The following ATXN1 variants were observed in gnomAD, a reference collection of about 807,000 sequenced individuals.
ATXN1 encodes ataxin-1.
Under a neutral mutation model 56.4 loss-of-function variants are expected in ATXN1, and 8 were observed. That is an observed-to-expected ratio of 0.14 (90% confidence interval 0.08 to 0.26). The LOEUF (loss-of-function observed/expected upper bound fraction) is 0.26, where lower values mean the gene tolerates loss of function less well. Among genes scored for constraint, ATXN1 ranks in the 10% least tolerant of loss-of-function variants. The pLI, the probability that ATXN1 is intolerant of heterozygous loss-of-function variation, is 1.00. For synonymous variants in ATXN1, 514 were observed against 494.6 expected, an observed-to-expected ratio of 1.04 and a Z score of -0.52; for missense variants, 987 against 1,106.5, an observed-to-expected ratio of 0.89 and a Z score of 1.53.
intron 6 of ATXN1, among the ~76,000 whole-genome samples, chr6:16,459,848 A>G (rs1168407924): frequency 3.9e-5 from 6 of 152,178 alleles, no homozygotes; most frequent in Non-Finnish European, 1.5e-5. Flanking sequence ...CGGAAGCTTC[A>G]TGCCAGCAGG....
At chr6:16,507,407 G>A (rs1760999645) in intron 5 of ATXN1, among the ~76,000 whole-genome samples, 1 of 152,194 alleles carries the variant, frequency 6.6e-6, no homozygotes, top group Admixed American at 6.5e-5. Context: ...AGGAAAGACT[G>A]ACCTTTGAAT....
chr6:16,538,751 T>C (rs1021843803), intron 4 of ATXN1, among the ~76,000 whole-genome samples: 2 of 152,194 alleles, frequency 1.3e-5, no homozygotes, highest in Non-Finnish European at 1.5e-5. Context: ...AATGGCACTA[T>C]CTCGGCTCAC....
At chr6:16,542,052 A>G (rs1437662963) in intron 4 of ATXN1, among the ~76,000 whole-genome samples, 3 of 151,922 alleles carry the variant, frequency 2.0e-5, no homozygotes, top group African/African-American at 7.3e-5. Flanking sequence ...TCTGGGGGAA[A>G]ACGCCACCAC....
chr6:16,669,171 G>C (rs894816286), intron 2 of ATXN1, among the ~76,000 whole-genome samples: 1 of 152,178 alleles, frequency 6.6e-6, no homozygotes, highest in African/African-American at 2.4e-5. Flanking sequence ...ATGGCTAAGA[G>C]CAGACTGTTT....
chr6:16,544,297 G>T (rs1433050111), intron 4 of ATXN1, among the ~76,000 whole-genome samples: 1 of 152,190 alleles, frequency 6.6e-6, no homozygotes, highest in East Asian at 1.9e-4. Flanking sequence ...GTCCAGGCCG[G>T]CTGGCCAAGT....
chr6:16,600,779 A>C (rs1762898706), intron 3 of ATXN1, among the ~76,000 whole-genome samples: 1 of 152,258 alleles, frequency 6.6e-6, no homozygotes, highest in Non-Finnish European at 1.5e-5. Flanking sequence ...TACAAGTTTA[A>C]TCACCTATAA....
intron 4 of ATXN1, among the ~76,000 whole-genome samples, chr6:16,533,570 T>C (rs1020733333): frequency 2.6e-5 from 4 of 152,082 alleles, no homozygotes; most frequent in African/African-American, 7.2e-5. Flanking sequence ...AAGTCACTAA[T>C]AGGAACAAAA....
At chr6:16,703,483 T>A (rs916487118) in intron 2 of ATXN1, among the ~76,000 whole-genome samples, 1 of 152,150 alleles carries the variant, frequency 6.6e-6, no homozygotes, top group African/African-American at 2.4e-5. Flanking sequence ...AGTATAATTT[T>A]AAAAAAATTC....
chr6:16,712,400 T>C (rs1759544460), intron 2 of ATXN1, among the ~76,000 whole-genome samples: 1 of 151,830 alleles, frequency 6.6e-6, no homozygotes, highest in Non-Finnish European at 1.5e-5. Context: ...AGACAGCAAG[T>C]GAGAAACGCC....
intron 3 of ATXN1, among the ~76,000 whole-genome samples, chr6:16,629,494 T>C (rs1274680015): frequency 1.3e-5 from 2 of 152,068 alleles, no homozygotes; most frequent in Non-Finnish European, 2.9e-5. Context: ...GCCCAGCTAA[T>C]TGTTTTTGTA....
chr6:16,423,060 C>T (rs150936816), intron 6 of ATXN1, among the ~76,000 whole-genome samples: 1 of 152,224 alleles, frequency 6.6e-6, no homozygotes, highest in African/African-American at 2.4e-5. Context: ...AATAGAGCAC[C>T]AGGGGTAGGG....
At chr6:16,616,591 A>G (rs1476354757) in intron 3 of ATXN1, among the ~76,000 whole-genome samples, 1 of 145,528 alleles carries the variant, frequency 6.9e-6, no homozygotes. Context: ...ATTTTATAAT[A>G]TATTATATAC....
intron 4 of ATXN1, among the ~76,000 whole-genome samples, chr6:16,529,483 CTTTAG>C (rs1276969835): frequency 6.6e-6 from 1 of 152,106 alleles, no homozygotes; most frequent in African/African-American, 2.4e-5. Flanking sequence ...CAGCATTTTA[CTTTAG>C]TTATCAAAGT....
rs1388515790 is a variant in ATXN1, at chr6:16,613,941, T to C, written c.-488-28034A>G. The stretch of plus-strand genomic sequence containing the variant: ...ATCAAAAAAATTATTATAGACAAAC[T>C]TTTAGGGGTGGGGAGGCTTTCATAA... On this transcript the variant is annotated intron_variant, in intron 3 of 7. Transcript: ENST00000436367. Among the ~76,000 whole-genome samples, 4 of 151,572 alleles carry C rather than the reference T, an allele frequency of 2.6e-5. No individual in the cohort carries two copies. The South Asian group carries it at 8.3e-4, about 32-fold the overall frequency.
chr6:16,704,410 C>T (rs1031671224), intron 2 of ATXN1, among the ~76,000 whole-genome samples: 3 of 152,096 alleles, frequency 2.0e-5, no homozygotes, highest in Non-Finnish European at 4.4e-5. Context: ...CGAGGCGCTC[C>T]CTCTAAGAAT....
chr6:16,307,321 T>C (rs1760273531), intron 7 of ATXN1, among the ~76,000 whole-genome samples: 2 of 152,092 alleles, frequency 1.3e-5, no homozygotes. Context: ...AGTGAGACTG[T>C]GAGTTCCAAG....
intron 6 of ATXN1, among the ~76,000 whole-genome samples, chr6:16,430,135 T>C (rs1204025846): frequency 6.6e-6 from 1 of 152,136 alleles, no homozygotes; most frequent in Non-Finnish European, 1.5e-5. Flanking sequence ...CCAAAGTCCC[T>C]GCACTCCTTA....
intron 4 of ATXN1, among the ~76,000 whole-genome samples, chr6:16,560,438 AAAT>A (rs1762095348): frequency 6.6e-6 from 1 of 152,134 alleles, no homozygotes; most frequent in African/African-American, 2.4e-5. Flanking sequence ...TCAAAAATAA[AAAT>A]AAAAAAATAA....
At chr6:16,659,420 A>G (rs1443090505) in intron 2 of ATXN1, among the ~76,000 whole-genome samples, 1 of 152,214 alleles carries the variant, frequency 6.6e-6, no homozygotes. Flanking sequence ...AAACAAGTTC[A>G]CTGCAAGTTA....
Sources: gnomAD v4.1 joint callset for allele counts (sites outside exome capture counted in the v4.1 genomes callset) on GRCh38, gnomAD v4.1.1 for gene constraint, MANE v1.5 for transcripts, NCBI Gene and HGNC (gene_info 2026-07-23, HGNC 2026-07-21) for gene names.